PTPN3: variants seen among roughly 807,000 people sequenced by gnomAD.
PTPN3 encodes tyrosine-protein phosphatase non-receptor type 3.
Under a neutral mutation model 132.7 loss-of-function variants are expected in PTPN3, and 96 were observed. That is an observed-to-expected ratio of 0.72 (90% confidence interval 0.61 to 0.86). The LOEUF is 0.86. Ranked by LOEUF, PTPN3 falls within the 40% of genes least tolerant of loss-of-function variation. The pLI is 0.00. For missense variants in PTPN3, 1,125 were observed against 1,159.6 expected, an observed-to-expected ratio of 0.97 and a Z score of 0.43; for synonymous variants, 398 against 429.0, an observed-to-expected ratio of 0.93 and a Z score of 0.89.
At chr9:109,384,329 C>T (rs1402005161) in intron 22 of PTPN3, among the ~76,000 whole-genome samples, 1 of 152,208 alleles carries the variant, frequency 6.6e-6, no homozygotes, top group Non-Finnish European at 1.5e-5. Flanking sequence ...GTCTCTGAAG[C>T]CCTTGAAGGC....
At chr9:109,448,632 C>T (rs1042078941) in intron 6 of PTPN3, among the ~76,000 whole-genome samples, 179 bp downstream of exon 6, 6 of 152,200 alleles carry the variant, frequency 3.9e-5, no homozygotes, top group Non-Finnish European at 8.8e-5. Flanking sequence ...TCCTTAGCCT[C>T]TCTCAGCCAA....
intron 10 of PTPN3, 125 bp from the exon 11 acceptor site, chr9:109,428,809 G>C: frequency 1.4e-6 from 2 of 1,444,294 alleles, no homozygotes; most frequent in Non-Finnish European, 1.8e-6. Context: ...GCTGCCTAGA[G>C]TTTACTTCTC....
At position 109,420,302 on chromosome 9, in the gene PTPN3, C is replaced by T. The variant is rs554755371; in HGVS notation, c.1313+122G>A. 2.9e-4 allele frequency: 301 copies of T among 1,022,402 alleles called. 2 individuals are homozygous for T. In the South Asian group the frequency reaches 3.2e-3, roughly 11 times the overall value. The allele number at this position is 1,022,402 out of a possible 1,614,324, so 63.3% of individuals were successfully genotyped here. ...TATGTTCTTATCCTGGCAGAAGGCA[C>T]CTGTGGGAGCTGGCTGCAGGCACCA... On this transcript the variant is annotated intron_variant, in intron 14 of 25. Transcript: ENST00000374541.
chr9:109,534,632 C>CAAAAAAAAAAAAAAAAAAAAAAAA, the PTPN3 span, among the ~76,000 whole-genome samples: 1 of 108,728 alleles, frequency 9.2e-6, no homozygotes, highest in African/African-American at 3.7e-5. Flanking sequence ...CAAAAAAATA[C>CAAAAAAAAAAAAAAAAAAAAAAAA]AAAAAAAAAA....
chr9:109,393,807 G>GT (rs1426615159), intron 19 of PTPN3, among the ~76,000 whole-genome samples: 3 of 152,130 alleles, frequency 2.0e-5, no homozygotes, highest in African/African-American at 7.2e-5. Context: ...TTTGCAAATT[G>GT]TATTGTTTTG....
At chr9:109,390,137 C>T (rs1274083234) in intron 21 of PTPN3, among the ~76,000 whole-genome samples, 1 of 152,174 alleles carries the variant, frequency 6.6e-6, no homozygotes, top group Non-Finnish European at 1.5e-5. Flanking sequence ...TATGGTATTG[C>T]TGCCCCTAAT....
chr9:109,473,714 T>C lies in PTPN3; in HGVS notation c.-17-10263A>G, dbSNP rs570414196. ...ATGCTAAGTATATTAAATGAAGCCA[T>C]TCAATTTAAAGAAAAACCTTTTTCT... On this transcript the variant is annotated intron_variant, in intron 1 of 25. Coordinates refer to ENST00000374541, the MANE Select transcript of PTPN3 (RefSeq NM_002829.4). 4.6e-5 allele frequency among the ~76,000 whole-genome samples: 7 copies of C among 152,194 alleles called. No individual in the cohort carries two copies. In the South Asian group the frequency reaches 1.0e-3, roughly 23 times the overall value.
At chr9:109,411,372 A>C (rs1288526027) in intron 14 of PTPN3, among the ~76,000 whole-genome samples, 1 of 152,070 alleles carries the variant, frequency 6.6e-6, no homozygotes, top group Non-Finnish European at 1.5e-5. Flanking sequence ...CCCTCTCCAG[A>C]CCATGCAGAG....
chr9:109,451,985 T>G (rs1008009133), intron 5 of PTPN3, among the ~76,000 whole-genome samples: 2 of 151,988 alleles, frequency 1.3e-5, no homozygotes, highest in Admixed American at 6.6e-5. Context: ...AAAAAGGAAG[T>G]AAGGCCGGGC....
the PTPN3 span, chr9:109,511,641 T>A: frequency 6.5e-6 from 1 of 152,962 alleles, no homozygotes; most frequent in Non-Finnish European, 1.5e-5. Context: ...AGGCCAGGTT[T>A]ATCTCAGTCG....
chr9:109,449,361 C>G, intron 5 of PTPN3: 1 of 986,452 alleles, frequency 1.0e-6, no homozygotes, highest in Non-Finnish European at 1.2e-6. Context: ...TACAAACCCC[C>G]AGGTGAGCAT....
chr9:109,389,328 G>A lies in PTPN3; in HGVS notation c.2158C>T (p.Pro720Ser). 6.2e-7 allele frequency: 1 copy of A among 1,614,112 alleles called. No homozygotes were observed. Among genetic ancestry groups the A allele is most frequent in the Non-Finnish European group, 8.5e-7 (1 of 1,179,976 alleles). Residue 720 changes from proline to serine, a missense_variant, in exon 22 of 26, where the codon CCC becomes TCC. Physicochemically the swap from Pro to Ser is moderately conservative, Grantham distance 74. Transcript: ENST00000374541. ...LVNKYIATQG[P>S]LPHTCAQFWQ... ...AACTGTGCACAGGTATGCGGCAGGG[G>A]CCCCTGAGTGGCGATGTACTTGTTC...
intron 1 of PTPN3, among the ~76,000 whole-genome samples, chr9:109,478,332 A>T (rs1482129406): frequency 2.0e-5 from 3 of 152,222 alleles, no homozygotes; most frequent in Admixed American, 2.0e-4. Context: ...CATGATCACT[A>T]TCCAACATTC....
At chr9:109,418,189 C>G (rs983655392) in intron 14 of PTPN3, among the ~76,000 whole-genome samples, 2 of 152,194 alleles carry the variant, frequency 1.3e-5, no homozygotes, top group Admixed American at 1.3e-4. Flanking sequence ...GCAGCGTAGG[C>G]TGATAATGTG....
intron 22 of PTPN3, among the ~76,000 whole-genome samples, chr9:109,383,908 C>A (rs1314169402): frequency 2.6e-5 from 4 of 152,108 alleles, no homozygotes; most frequent in African/African-American, 4.8e-5. Context: ...GGCCCCTCCC[C>A]ACCTCCAACG....
chr9:109,518,426 A>G, the PTPN3 span, among the ~76,000 whole-genome samples: 2 of 152,136 alleles, frequency 1.3e-5, no homozygotes, highest in Non-Finnish European at 1.5e-5. Context: ...GCCTAGTCCA[A>G]TTGGAGGCAG....
chr9:109,424,874 C>T (rs939456428), intron 12 of PTPN3, among the ~76,000 whole-genome samples: 2 of 152,212 alleles, frequency 1.3e-5, no homozygotes, highest in African/African-American at 2.4e-5. Context: ...CAGAACCCAG[C>T]CCTGCTGGCA....
At chr9:109,535,648 A>G in the PTPN3 span, among the ~76,000 whole-genome samples, 8,440 of 152,118 alleles carry the variant, frequency 0.055, 299 homozygotes, top group South Asian at 0.16. Flanking sequence ...CTGGGACTAT[A>G]GGTGCGTGCC....
At chr9:109,476,614 G>A (rs999988867) in intron 1 of PTPN3, among the ~76,000 whole-genome samples, 1 of 152,176 alleles carries the variant, frequency 6.6e-6, no homozygotes, top group Non-Finnish European at 1.5e-5. Flanking sequence ...GACAGGAGGG[G>A]TCTTGCCAGG....
Sources: gnomAD v4.1 joint callset for allele counts (sites outside exome capture counted in the v4.1 genomes callset) on GRCh38, gnomAD v4.1.1 for gene constraint, MANE v1.5 for transcripts, NCBI Gene and HGNC (gene_info 2026-07-23, HGNC 2026-07-21) for gene names.